The following UGT3A2 variants were observed in gnomAD, a reference collection of about 807,000 sequenced individuals.
UGT3A2 encodes the protein UDP-glycosyltransferase 3A2.
A neutral mutation model predicts 39.8 loss-of-function variants in UGT3A2; 32 were observed. The ratio of observed to expected loss-of-function variants is 0.80; its 90% CI spans 0.61 to 1.08. The LOEUF (loss-of-function observed/expected upper bound fraction) is 1.08, where lower values mean the gene tolerates loss of function less well. Among genes scored for constraint, UGT3A2 ranks in the 50% least tolerant of loss-of-function variants. The probability of loss-of-function intolerance (pLI) is 0.00; values close to 1 mark genes in which losing one functional copy is unlikely to be tolerated. For synonymous variants in UGT3A2, 241 were observed against 230.7 expected, an observed-to-expected ratio of 1.04 and a Z score of -0.40; for missense variants, 611 against 637.1, an observed-to-expected ratio of 0.96 and a Z score of 0.44.
In UGT3A2 at chr5:36,037,779, C is replaced by T; in HGVS notation, c.1295+18G>A. Reference sequence around the variant, plus strand: ...CCTTCATTCGTCATTATGACCACAACCCCAAGGAGCTGCATACCTCTTGTC... The same window carrying T: ...CCTTCATTCGTCATTATGACCACAATCCCAAGGAGCTGCATACCTCTTGTC... On this transcript the variant is annotated intron_variant, in intron 6 of 6. Transcript: ENST00000282507. 6.2e-7 allele frequency: 1 copy of T among 1,613,976 alleles called. No individual in the cohort carries two copies. Among genetic ancestry groups the T allele is most frequent in the Non-Finnish European group, 8.5e-7 (1 of 1,179,912 alleles).
chr5:36,058,803 G>A (rs889303756), intron 2 of UGT3A2, among the ~76,000 whole-genome samples: 6 of 152,064 alleles, frequency 3.9e-5, no homozygotes, highest in Admixed American at 6.6e-5. Context: ...ATTCAGTCTC[G>A]TAATGACGGT....
chr5:36,043,486 A>G (rs1431411014), intron 4 of UGT3A2, among the ~76,000 whole-genome samples: 1 of 152,042 alleles, frequency 6.6e-6, no homozygotes, highest in African/African-American at 2.4e-5. Flanking sequence ...AATCAAGAGC[A>G]AACCAAACCC....
intron 2 of UGT3A2, among the ~76,000 whole-genome samples, chr5:36,052,633 C>G (rs754442787): frequency 1.3e-5 from 2 of 152,136 alleles, no homozygotes; most frequent in Non-Finnish European, 2.9e-5. Flanking sequence ...AGGAAATCCT[C>G]AGCCCATCCT....
At position 36,066,818 on chromosome 5, in the gene UGT3A2, A is replaced by G. The variant is rs779426189; in HGVS notation, c.-29T>C. The G allele has an allele frequency of 3.1e-6, 5 of 1,606,306 alleles. No individual in the cohort carries two copies. The East Asian group carries it at 8.9e-5, about 29-fold the overall frequency. ...CACTTCTACGGAAGCCGCGGATCTC[A>G]GCCTGGGCTGCGCGCCCTGCGCCCG... is the stretch of plus-strand genomic sequence containing the variant. On this transcript the variant is annotated 5_prime_UTR_variant, in exon 1 of 7. Transcript: ENST00000282507.
chr5:36,051,045 G>A lies in UGT3A2; in HGVS notation c.311+825C>T, dbSNP rs182648137. Among the ~76,000 whole-genome samples, 279 of 152,256 alleles carry A rather than the reference G, an allele frequency of 1.8e-3. 3 individuals are homozygous for A. The highest frequency in any genetic ancestry group is 3.7e-4 in the Non-Finnish European group (25 of 68,024). On this transcript the variant is annotated intron_variant, in intron 3 of 6. Coordinates refer to ENST00000282507, the MANE Select transcript of UGT3A2 (RefSeq NM_174914.4). ...GCTCAAAATATATAACTAACTCTGC[G>A]AGATGATATAGGCTAAGTGTCAAAT...
Position 36,045,921 on chromosome 5 carries a change from C to T in UGT3A2, c.843+2968G>A, listed in dbSNP as rs115165756. 1.1e-3 allele frequency among the ~76,000 whole-genome samples: 168 copies of T among 152,160 alleles called. 2 individuals carry two copies. Among genetic ancestry groups the T allele is most frequent in the African/African-American group, 3.8e-3 (159 of 41,512 alleles). On this transcript the variant is annotated intron_variant, in intron 4 of 6. Transcript: ENST00000282507. ...CTAGAATACATAAAAGCTCAAACAACTCTACGAGAAAAAAAAATCTAATAA... is the reference window on the plus strand; with the variant it reads ...CTAGAATACATAAAAGCTCAAACAATTCTACGAGAAAAAAAAATCTAATAA...
intron 2 of UGT3A2, among the ~76,000 whole-genome samples, chr5:36,063,414 C>T (rs749066921): frequency 6.6e-6 from 1 of 152,174 alleles, no homozygotes; most frequent in Non-Finnish European, 1.5e-5. Context: ...CCATTAAGAA[C>T]ATCTGAAATC....
At chr5:36,048,022 G>A (rs1742221486) in intron 4 of UGT3A2, among the ~76,000 whole-genome samples, 1 of 152,168 alleles carries the variant, frequency 6.6e-6, no homozygotes, top group Non-Finnish European at 1.5e-5. Context: ...CTCAGTGCAA[G>A]TTAAAAGAGT....
intron 5 of UGT3A2, 64 bp from the exon 6 acceptor site, chr5:36,038,080 A>G (rs1486783562): frequency 1.3e-6 from 2 of 1,508,824 alleles, no homozygotes; most frequent in Non-Finnish European, 1.8e-6. Flanking sequence ...TCAGGCAGAG[A>G]TGAAGGGGAT....
chr5:36,058,705 C>T (rs959086393), intron 2 of UGT3A2, among the ~76,000 whole-genome samples: 16 of 152,148 alleles, frequency 1.1e-4, no homozygotes, highest in South Asian at 4.1e-4. Context: ...TCACTAGAAA[C>T]GGGGAGCTCT....
intron 2 of UGT3A2, among the ~76,000 whole-genome samples, chr5:36,058,659 T>C (rs1742588177): frequency 6.6e-6 from 1 of 152,136 alleles, no homozygotes; most frequent in Non-Finnish European, 1.5e-5. Context: ...ACCCAATAAA[T>C]AAGAAGGGTT....
At chr5:36,042,962 T>G (rs1364197253) in intron 4 of UGT3A2, among the ~76,000 whole-genome samples, 1 of 152,020 alleles carries the variant, frequency 6.6e-6, no homozygotes, top group Non-Finnish European at 1.5e-5. Context: ...ACTTTCAGCA[T>G]TGGACGCATC....
chr5:36,056,183 T>C (rs1298128888), intron 2 of UGT3A2, among the ~76,000 whole-genome samples: 5 of 152,218 alleles, frequency 3.3e-5, no homozygotes, highest in Non-Finnish European at 7.3e-5. Context: ...TTGTCACTTG[T>C]AGTTATCAAG....
intron 4 of UGT3A2, 103 bp from the exon 5 acceptor site, chr5:36,039,811 C>T: frequency 1.2e-6 from 1 of 853,700 alleles, no homozygotes; most frequent in Non-Finnish European, 1.9e-6. Flanking sequence ...GTGCCCTGTC[C>T]TCACTGTCCC....
chr5:36,052,745 GA>G (rs931833226), intron 2 of UGT3A2, among the ~76,000 whole-genome samples: 2 of 150,234 alleles, frequency 1.3e-5, no homozygotes, highest in African/African-American at 2.4e-5. Context: ...CTGAAAAAAA[GA>G]AAAAAAAATA....
chr5:36,063,181 G>A (rs553351328), intron 2 of UGT3A2, among the ~76,000 whole-genome samples: 2 of 152,068 alleles, frequency 1.3e-5, no homozygotes, highest in Admixed American at 6.6e-5. Context: ...ATAGCTTCAG[G>A]GGGTGCATGT....
Position 36,035,863 on chromosome 5 carries a change from C to CGTCGCGCCCCCTGTCTGG in UGT3A2, c.1389_1406dup (p.Gln464_Thr469dup). Reference sequence around the variant, plus strand: ...GCTGAAAGACATAGGGCTTGAGGTGCGTCGCGCCCCCTGTCTGGAGGACGT... The same window carrying CGTCGCGCCCCCTGTCTGG: ...GCTGAAAGACATAGGGCTTGAGGTGCGTCGCGCCCCCTGTCTGGGTCGCGCCCCCTGTCTGGAGGACGT... On this transcript the variant is annotated inframe_insertion, in exon 7 of 7. Coordinates refer to ENST00000282507, the MANE Select transcript of UGT3A2 (RefSeq NM_174914.4). The CGTCGCGCCCCCTGTCTGG allele has an allele frequency of 6.2e-7, 1 of 1,614,168 alleles. No homozygotes were observed. Among genetic ancestry groups the CGTCGCGCCCCCTGTCTGG allele is most frequent in the Non-Finnish European group, 8.5e-7 (1 of 1,180,034 alleles).
At chr5:36,039,370 C>A in intron 5 of UGT3A2, 107 bp downstream of exon 5, 1 of 1,120,348 alleles carries the variant, frequency 8.9e-7, no homozygotes, top group Non-Finnish European at 1.3e-6. Context: ...TGAGCCTTAC[C>A]TGTACCATTC....
At chr5:36,041,416 T>C (rs62354167) in intron 4 of UGT3A2, among the ~76,000 whole-genome samples, 28,471 of 152,146 alleles carry the variant, frequency 0.19, 3,427 homozygotes, top group Non-Finnish European at 0.25. Flanking sequence ...ATAGTTATCA[T>C]AGGTCTTGGA....
Sources: gnomAD v4.1 joint callset for allele counts (sites outside exome capture counted in the v4.1 genomes callset) on GRCh38, gnomAD v4.1.1 for gene constraint, MANE v1.5 for transcripts, NCBI Gene and HGNC (gene_info 2026-07-23, HGNC 2026-07-21) for gene names.